KCNIP1: variants seen among roughly 807,000 people sequenced by gnomAD.
KCNIP1 encodes the protein A-type potassium channel modulatory protein KCNIP1.
Under a neutral mutation model 33.0 loss-of-function variants are expected in KCNIP1, and 18 were observed. The ratio of observed to expected loss-of-function variants is 0.55; its 90% CI spans 0.38 to 0.81. The LOEUF is 0.81. Ranked by LOEUF, KCNIP1 falls within the 30% of genes least tolerant of loss-of-function variation. The pLI is 0.00. For missense variants in KCNIP1, 238 were observed against 271.6 expected, an observed-to-expected ratio of 0.88 and a Z score of 0.87; for synonymous variants, 93 against 98.3, an observed-to-expected ratio of 0.95 and a Z score of 0.32.
chr5:170,592,162 G>A (rs917466751), intron 1 of KCNIP1, among the ~76,000 whole-genome samples: 1 of 152,200 alleles, frequency 6.6e-6, no homozygotes, highest in Non-Finnish European at 1.5e-5. Context: ...CCTAATGGGT[G>A]TGAAGTTGTT....
chr5:170,529,805 T>C (rs1047493248), intron 1 of KCNIP1, among the ~76,000 whole-genome samples: 1 of 152,194 alleles, frequency 6.6e-6, no homozygotes, highest in Non-Finnish European at 1.5e-5. Flanking sequence ...GAGTTGGAGT[T>C]TGGACCTATA....
chr5:170,579,587 A>G (rs1006986117), intron 1 of KCNIP1, among the ~76,000 whole-genome samples: 2 of 152,176 alleles, frequency 1.3e-5, no homozygotes, highest in Admixed American at 1.3e-4. Flanking sequence ...ACAGCCATGG[A>G]AAGCCATGAG....
intron 1 of KCNIP1, among the ~76,000 whole-genome samples, chr5:170,655,184 C>G (rs1316646456): frequency 6.6e-6 from 1 of 152,158 alleles, no homozygotes; most frequent in Non-Finnish European, 1.5e-5. Context: ...TCCAACAAAA[C>G]TAATATTTTT....
At chr5:170,595,045 T>A (rs1221851095) in intron 1 of KCNIP1, among the ~76,000 whole-genome samples, 4 of 152,072 alleles carry the variant, frequency 2.6e-5, no homozygotes, top group African/African-American at 9.7e-5. Flanking sequence ...CCCACACCAT[T>A]TCCTCTGTGG....
rs1024707257 is a variant in KCNIP1 at position 170,489,386 on chromosome 5, G to C, written c.88+135422G>C. 6.6e-6 allele frequency among the ~76,000 whole-genome samples: 1 copy of C among 152,236 alleles called. No individual in the cohort carries two copies. On this transcript the variant is annotated intron_variant, in intron 1 of 7. Coordinates refer to the KCNIP1 transcript ENST00000377360. The surrounding 1 kb of genome is among the most constrained non-coding windows in gnomAD (Gnocchi z 4.3). ...GACTTTGGCCAGGGCTGTCCTGCAGGTAAGGGCCTCGTGCAGGAGGCCCCT... is the reference window on the plus strand; with the variant it reads ...GACTTTGGCCAGGGCTGTCCTGCAGCTAAGGGCCTCGTGCAGGAGGCCCCT...
chr5:170,688,743 G>T (rs1762623777), intron 1 of KCNIP1, among the ~76,000 whole-genome samples: 1 of 152,178 alleles, frequency 6.6e-6, no homozygotes, highest in African/African-American at 2.4e-5. Context: ...CTCAATTGTG[G>T]CCCAGAGGGA....
At position 170,695,501 on chromosome 5, in the gene KCNIP1, G is replaced by A. The variant is rs114700319; in HGVS notation, c.62-23257G>A. On this transcript the variant is annotated intron_variant, in intron 1 of 7. Coordinates refer to ENST00000328939, the MANE Select transcript of KCNIP1 (RefSeq NM_014592.4). Reference sequence around the variant, plus strand: ...CTTCTAGCAACACTGGTTAATTTCCGTTGATTTTGCACTGTATATTCATCC... The same window carrying A: ...CTTCTAGCAACACTGGTTAATTTCCATTGATTTTGCACTGTATATTCATCC... Among the ~76,000 whole-genome samples, 89 of 152,290 alleles carry A rather than the reference G, an allele frequency of 5.8e-4. 1 individual carries two copies. Among genetic ancestry groups the A allele is most frequent in the African/African-American group, 1.9e-3 (79 of 41,554 alleles).
intron 1 of KCNIP1, among the ~76,000 whole-genome samples, chr5:170,646,267 C>T (rs763429508): frequency 1.3e-5 from 2 of 152,054 alleles, no homozygotes; most frequent in Non-Finnish European, 1.5e-5. Context: ...ACCCTAATAC[C>T]AAAACCAGAC....
intron 1 of KCNIP1, among the ~76,000 whole-genome samples, chr5:170,539,009 C>T (rs1032063356): frequency 6.6e-6 from 1 of 151,924 alleles, no homozygotes; most frequent in Non-Finnish European, 1.5e-5. Context: ...CATTCATTCT[C>T]TTGGCTTTAA....
intron 1 of KCNIP1, among the ~76,000 whole-genome samples, chr5:170,392,133 C>T (rs555800582): frequency 1.1e-4 from 16 of 152,262 alleles, no homozygotes; most frequent in East Asian, 1.9e-4. Context: ...TGTAGGAAGC[C>T]GAGGCCCCGT....
intron 1 of KCNIP1, chr5:170,378,341 A>C: frequency 5.0e-6 from 1 of 198,114 alleles, no homozygotes; most frequent in Non-Finnish European, 1.0e-5. Flanking sequence ...GAGGATGGGT[A>C]CCGCTTTGAG....
chr5:170,362,755 T>C (rs997823218), intron 1 of KCNIP1, among the ~76,000 whole-genome samples: 5 of 152,118 alleles, frequency 3.3e-5, no homozygotes, highest in African/African-American at 7.2e-5. Context: ...GAAGCTGGGG[T>C]TAGCCTAATT....
At chr5:170,708,175 A>G (rs915202745) in intron 1 of KCNIP1, among the ~76,000 whole-genome samples, 1 of 152,180 alleles carries the variant, frequency 6.6e-6, no homozygotes, top group East Asian at 1.9e-4. Flanking sequence ...TCTCTGCTCC[A>G]TGCAAGCACC....
intron 1 of KCNIP1, among the ~76,000 whole-genome samples, chr5:170,635,532 C>G (rs929168987): frequency 6.6e-6 from 1 of 152,176 alleles, no homozygotes; most frequent in Non-Finnish European, 1.5e-5. Context: ...ACATCACAAC[C>G]TGAAGCCCTG....
intron 1 of KCNIP1, among the ~76,000 whole-genome samples, chr5:170,611,553 G>C (rs896832648): frequency 1.3e-5 from 2 of 152,192 alleles, no homozygotes; most frequent in African/African-American, 4.8e-5. Flanking sequence ...CATCCACTCA[G>C]GGTCGAAGAC....
At chr5:170,506,760 T>C (rs1252851042) in intron 1 of KCNIP1, among the ~76,000 whole-genome samples, 1 of 152,164 alleles carries the variant, frequency 6.6e-6, no homozygotes, top group Non-Finnish European at 1.5e-5. Flanking sequence ...ATGGGTGGAC[T>C]CCCAAGACAA....
chr5:170,462,069 C>A (rs1316416112), intron 1 of KCNIP1, among the ~76,000 whole-genome samples: 2 of 151,906 alleles, frequency 1.3e-5, no homozygotes, highest in East Asian at 1.9e-4. Context: ...GATTTCATAA[C>A]CAAGAACCAA....
At chr5:170,421,217 A>C (rs1561617962) in intron 1 of KCNIP1, among the ~76,000 whole-genome samples, 1 of 152,072 alleles carries the variant, frequency 6.6e-6, no homozygotes, top group Non-Finnish European at 1.5e-5. Flanking sequence ...GCCGTGGTGC[A>C]CTCTTGTTTC....
intron 1 of KCNIP1, among the ~76,000 whole-genome samples, chr5:170,432,364 G>A (rs1456479856): frequency 6.6e-6 from 1 of 152,158 alleles, no homozygotes; most frequent in African/African-American, 2.4e-5. Flanking sequence ...ATATGTATTG[G>A]GAATGGTGCC....
Sources: gnomAD v4.1 joint callset for allele counts (sites outside exome capture counted in the v4.1 genomes callset) on GRCh38, gnomAD v4.1.1 for gene constraint, Gnocchi (gnomAD v3.1) non-coding constraint, MANE v1.5 for transcripts, NCBI Gene and HGNC (gene_info 2026-07-23, HGNC 2026-07-21) for gene names.